GUCY1B1: variants seen among roughly 807,000 people sequenced by gnomAD.
GUCY1B1 encodes guanylate cyclase 1 soluble subunit beta 1.
A neutral mutation model predicts 71.0 loss-of-function variants in GUCY1B1; 43 were observed. The ratio of observed to expected loss-of-function variants is 0.61; its 90% CI spans 0.47 to 0.78. The LOEUF is 0.78. Among genes scored for constraint, GUCY1B1 ranks in the 30% least tolerant of loss-of-function variants. The pLI is 0.00. For missense variants in GUCY1B1, 535 were observed against 754.1 expected (o/e 0.71, Z 3.40); for synonymous variants, 266 against 259.7 (o/e 1.02, Z -0.23).
chr4:155,783,274 C>T (rs1434472658), intron 4 of GUCY1B1, among the ~76,000 whole-genome samples: 1 of 152,110 alleles, frequency 6.6e-6, no homozygotes, highest in African/African-American at 2.4e-5. Context: ...AATTCAATTT[C>T]GATGGTATTA....
At chr4:155,760,174 A>G (rs1579179180) in intron 2 of GUCY1B1, among the ~76,000 whole-genome samples, 1 of 152,070 alleles carries the variant, frequency 6.6e-6, no homozygotes, top group Non-Finnish European at 1.5e-5. Context: ...CAGGCCGGGC[A>G]GCTCCCACGC....
chr4:155,769,228 A>T (rs1737542593), intron 2 of GUCY1B1, among the ~76,000 whole-genome samples: 2 of 152,140 alleles, frequency 1.3e-5, no homozygotes, highest in African/African-American at 2.4e-5. Context: ...AGGAAATGAA[A>T]CACCAAGAGT....
rs753585811 is a variant in GUCY1B1, at chr4:155,804,744, A to G, written c.1706A>G (p.Tyr569Cys). The G allele has an allele frequency of 3.7e-5, 60 of 1,611,014 alleles. No individual in the cohort carries two copies. The highest frequency in any genetic ancestry group is 4.8e-5 in the Non-Finnish European group (56 of 1,177,992). The change falls in exon 12 of 14, where the codon TAC (tyrosine) becomes TGC (cysteine). Residue 569 changes from tyrosine (Y) to cysteine (C), a missense_variant. Tyr to Cys is a radical substitution (Grantham distance 194, BLOSUM62 -2). Transcript: ENST00000264424. ...AAAATAAATGTGTCTGAATATACAT[A>G]CAGGTGAGAGAAAATGTCTTGGTAT... is the stretch of plus-strand genomic sequence containing the variant. ...KGKINVSEYTYRCLMSPENSD... is the reference protein window; with the variant it reads ...KGKINVSEYTCRCLMSPENSD...
intron 4 of GUCY1B1, among the ~76,000 whole-genome samples, chr4:155,780,452 C>T (rs1430551958): frequency 6.6e-6 from 1 of 152,166 alleles, no homozygotes; most frequent in Non-Finnish European, 1.5e-5. Flanking sequence ...CTCTTATTTT[C>T]ATAGGACACT....
intron 4 of GUCY1B1, among the ~76,000 whole-genome samples, chr4:155,787,350 C>T (rs1738867728): frequency 6.6e-6 from 1 of 152,174 alleles, no homozygotes. Context: ...TAAGAATTAG[C>T]TTGACTCCAT....
intron 4 of GUCY1B1, among the ~76,000 whole-genome samples, chr4:155,788,670 A>G (rs541356366): frequency 2.5e-4 from 38 of 152,348 alleles, no homozygotes; most frequent in African/African-American, 8.7e-4. Flanking sequence ...TAAGTGCTTT[A>G]TATACATGTT....
chr4:155,805,192 A>G lies in GUCY1B1; in HGVS notation c.1799A>G (p.Gln600Arg). The G allele has an allele frequency of 6.2e-7, 1 of 1,611,284 alleles. No individual in the cohort carries two copies. The highest frequency in any genetic ancestry group is 1.1e-5 in the South Asian group (1 of 90,760). Reference sequence around the variant, plus strand: ...ATGAAGGGCAAAAAAGAACCAATGCAAGTTTGGTTTCTATCCAGAAAAAAT... The same window carrying G: ...ATGAAGGGCAAAAAAGAACCAATGCGAGTTTGGTTTCTATCCAGAAAAAAT... ...VSMKGKKEPM[Q>R]VWFLSRKNTG... Residue 600 changes from glutamine (Q) to arginine (R), a missense_variant, in exon 13 of 14, where the codon CAA becomes CGA. Coordinates refer to ENST00000264424, the MANE Select transcript of GUCY1B1 (RefSeq NM_000857.5).
At chr4:155,782,072 T>C (rs568954556) in intron 4 of GUCY1B1, among the ~76,000 whole-genome samples, 3 of 151,456 alleles carry the variant, frequency 2.0e-5, no homozygotes, top group South Asian at 4.2e-4. Flanking sequence ...TTTTTTAATG[T>C]TTTATTATTA....
intron 2 of GUCY1B1, among the ~76,000 whole-genome samples, chr4:155,765,115 A>G (rs950754833): frequency 1.3e-5 from 2 of 152,148 alleles, no homozygotes; most frequent in Admixed American, 1.3e-4. Context: ...CAGAAATCAG[A>G]AAATCTGTAT....
intron 4 of GUCY1B1, among the ~76,000 whole-genome samples, chr4:155,779,262 C>G (rs1030952309): frequency 1.3e-5 from 2 of 152,136 alleles, no homozygotes; most frequent in Admixed American, 6.5e-5. Context: ...GCACTCCAGC[C>G]TGGGTGACAG....
intron 4 of GUCY1B1, among the ~76,000 whole-genome samples, chr4:155,783,516 A>T (rs1738572495): frequency 6.6e-6 from 1 of 152,190 alleles, no homozygotes; most frequent in Admixed American, 6.5e-5. Context: ...TCTTCAACTA[A>T]CCTTGATATG....
intron 13 of GUCY1B1, 88 bp from the exon 14 acceptor site, chr4:155,806,298 C>A: frequency 1.2e-6 from 1 of 826,022 alleles, no homozygotes; most frequent in Non-Finnish European, 2.0e-6. Context: ...GTGGATCACA[C>A]TCTCATAAAG....
chr4:155,793,993 T>C lies in GUCY1B1; in HGVS notation c.633T>C (p.Tyr211=), dbSNP rs1456238046. The C allele has an allele frequency of 6.2e-7, 1 of 1,612,578 alleles. No individual in the cohort carries two copies. The highest frequency in any genetic ancestry group is 2.2e-5 in the East Asian group (1 of 44,852). Residue 211 remains tyrosine (Y), a synonymous_variant, in exon 6 of 14, where the codon TAT becomes TAC. Transcript: ENST00000264424. ...NGTQESRISP[Y]TFCKAFPFHI... ...CCCAGGAATCACGCATCAGCCCATA[T>C]ACATTCTGCAAAGCTTTTCCTTTTC...
chr4:155,786,271 C>CTTTTTTTTTT (rs33996424), intron 4 of GUCY1B1, among the ~76,000 whole-genome samples: 1 of 123,780 alleles, frequency 8.1e-6, no homozygotes, highest in African/African-American at 3.3e-5. Context: ...GTTCAATTTC[C>CTTTTTTTTTT]TTTTTTTTTT....
At chr4:155,797,686 C>T (rs981489588) in intron 8 of GUCY1B1, among the ~76,000 whole-genome samples, 1 of 150,482 alleles carries the variant, frequency 6.6e-6, no homozygotes, top group African/African-American at 2.4e-5. Flanking sequence ...TGCAGTGAGC[C>T]GAGATCATGC....
intron 11 of GUCY1B1, 62 bp downstream of exon 11, chr4:155,803,826 T>C: frequency 8.8e-7 from 1 of 1,139,784 alleles, no homozygotes; most frequent in East Asian, 2.8e-5. Context: ...AATTGATTCA[T>C]ATCGTTGTCC....
Position 155,806,517 on chromosome 4 carries a change from C to A in GUCY1B1, c.*108C>A. On this transcript the variant is annotated 3_prime_UTR_variant, in exon 14 of 14. Coordinates refer to ENST00000264424, the MANE Select transcript of GUCY1B1 (RefSeq NM_000857.5). Reference sequence around the variant, plus strand: ...CCTATGGATACAGATTTTCTTTTGTCCTTGTCCATTACCCCAAGACTTTCT... The same window carrying A: ...CCTATGGATACAGATTTTCTTTTGTACTTGTCCATTACCCCAAGACTTTCT... 2 of 720,096 alleles carry A rather than the reference C, an allele frequency of 2.8e-6. No homozygotes were observed. The highest frequency in any genetic ancestry group is 1.7e-5 in the South Asian group (1 of 59,768). The allele number at this position is 720,096 out of a possible 1,614,324, so 44.6% of individuals were successfully genotyped here.
rs1315698233 is a variant in GUCY1B1 at position 155,799,982 on chromosome 4, G to A, written c.1083G>A (p.Glu361=). 8 of 1,613,326 alleles carry A rather than the reference G, an allele frequency of 5.0e-6. No individual in the cohort carries two copies. The highest frequency in any genetic ancestry group is 6.8e-6 in the Non-Finnish European group (8 of 1,179,418). The part of the protein sequence containing the change: ...DLVLLGEQFR[E]EYKLTQELEI... ...TTCTTTTGGGAGAACAATTTAGAGA[G>A]GAATACAAACTCACCCAAGAACTGG... is the stretch of plus-strand genomic sequence containing the variant. Residue 361 remains glutamate, a synonymous_variant, in exon 9 of 14, where the codon GAG becomes GAA. Transcript: ENST00000264424.
intron 4 of GUCY1B1, among the ~76,000 whole-genome samples, chr4:155,787,280 A>G (rs1738862815): frequency 6.6e-6 from 1 of 152,266 alleles, no homozygotes; most frequent in Middle Eastern, 3.4e-3. Flanking sequence ...GCCATATTGG[A>G]TTACTTTTAC....
Sources: allele counts gnomAD v4.1 joint callset (sites outside exome capture counted in the v4.1 genomes callset), GRCh38; gene constraint gnomAD v4.1.1; transcripts MANE v1.5; gene names NCBI Gene and HGNC (gene_info 2026-07-23, HGNC 2026-07-21).